The following NAALADL2 variants were observed in gnomAD, a reference collection of about 807,000 sequenced individuals.
NAALADL2 encodes the protein inactive N-acetylated-alpha-linked acidic dipeptidase-like protein 2.
NAALADL2 carries 76 observed loss-of-function variants against 87.2 expected under a neutral mutation model. The ratio of observed to expected loss-of-function variants is 0.87; its 90% CI spans 0.72 to 1.05. The LOEUF (loss-of-function observed/expected upper bound fraction) is 1.05, where lower values mean the gene tolerates loss of function less well. Ranked by LOEUF, NAALADL2 falls within the 50% of genes least tolerant of loss-of-function variation. The pLI, the probability that NAALADL2 is intolerant of heterozygous loss-of-function variation, is 0.00. For missense variants in NAALADL2, 1,089 were observed against 945.8 expected, an observed-to-expected ratio of 1.15 and a Z score of -1.99; for synonymous variants, 354 against 331.0, an observed-to-expected ratio of 1.07 and a Z score of -0.75.
At chr3:174,605,592 A>G (rs1246260339) in intron 2 of NAALADL2, among the ~76,000 whole-genome samples, 2 of 152,166 alleles carry the variant, frequency 1.3e-5, no homozygotes, top group East Asian at 1.9e-4. Context: ...TCAAACTGCA[A>G]GGTGGCAGTG....
chr3:175,509,605 A>G (rs1730847182), intron 9 of NAALADL2, among the ~76,000 whole-genome samples: 1 of 152,190 alleles, frequency 6.6e-6, no homozygotes, highest in Admixed American at 6.5e-5. Flanking sequence ...CTGCTATAGC[A>G]TTGGCTCTTT....
chr3:174,810,000 G>A (rs187926300), intron 3 of NAALADL2, among the ~76,000 whole-genome samples: 2 of 152,250 alleles, frequency 1.3e-5, no homozygotes, highest in Admixed American at 1.3e-4. Context: ...GCCTGCTCCT[G>A]CTTTGCCTTC....
intron 5 of NAALADL2, among the ~76,000 whole-genome samples, chr3:175,432,609 T>C (rs544006938): frequency 6.6e-6 from 1 of 152,196 alleles, no homozygotes; most frequent in Non-Finnish European, 1.5e-5. Context: ...TCATGTTGAT[T>C]CTTTTGCCTG....
chr3:175,620,258 C>T (rs1477940766), intron 10 of NAALADL2, among the ~76,000 whole-genome samples: 1 of 152,170 alleles, frequency 6.6e-6, no homozygotes, highest in African/African-American at 2.4e-5. Context: ...TTCGCCCACT[C>T]GACCTGGCAG....
chr3:175,772,206 G>A (rs1014855096), intron 13 of NAALADL2, among the ~76,000 whole-genome samples: 2 of 152,146 alleles, frequency 1.3e-5, no homozygotes, highest in Non-Finnish European at 2.9e-5. Context: ...CAGGGAATAT[G>A]AGTGTAGATT....
intron 4 of NAALADL2, among the ~76,000 whole-genome samples, chr3:175,299,327 G>C (rs1756750671): frequency 6.6e-6 from 1 of 152,034 alleles, no homozygotes; most frequent in South Asian, 2.1e-4. Flanking sequence ...ATTCTGTGAA[G>C]AAAGTCAGTG....
intron 2 of NAALADL2, among the ~76,000 whole-genome samples, chr3:175,233,717 C>T (rs1745359509): frequency 6.6e-6 from 1 of 152,156 alleles, no homozygotes; most frequent in Non-Finnish European, 1.5e-5. Flanking sequence ...GGATCACAGG[C>T]ATGAGCTACC....
chr3:175,697,434 A>C (rs888397213), intron 11 of NAALADL2, among the ~76,000 whole-genome samples: 3 of 119,594 alleles, frequency 2.5e-5, no homozygotes, highest in African/African-American at 7.1e-5. Flanking sequence ...CACACACACA[A>C]AACCCTACTT....
intron 1 of NAALADL2, among the ~76,000 whole-genome samples, chr3:175,057,106 G>A (rs1341773565): frequency 6.6e-6 from 1 of 152,174 alleles, no homozygotes; most frequent in Non-Finnish European, 1.5e-5. Flanking sequence ...AAGGTCACAG[G>A]AGACTGTTTC....
At chr3:174,932,716 T>C (rs544573642) in intron 1 of NAALADL2, among the ~76,000 whole-genome samples, 1 of 152,304 alleles carries the variant, frequency 6.6e-6, no homozygotes, top group South Asian at 2.1e-4. Flanking sequence ...TGTATAAACT[T>C]TAACACTGCT....
At chr3:175,578,643 AT>A (rs572582432) in intron 10 of NAALADL2, among the ~76,000 whole-genome samples, 16 of 152,338 alleles carry the variant, frequency 1.1e-4, no homozygotes, top group African/African-American at 2.9e-4. Context: ...GGTCGTAAAG[AT>A]TAATAAATGG....
intron 11 of NAALADL2, among the ~76,000 whole-genome samples, chr3:175,730,720 A>G (rs1442280787): frequency 6.6e-6 from 1 of 151,706 alleles, no homozygotes; most frequent in African/African-American, 2.4e-5. Context: ...TGATCCTTTT[A>G]TATTTTTAAA....
intron 4 of NAALADL2, among the ~76,000 whole-genome samples, chr3:175,264,863 A>G (rs1050369767): frequency 1.3e-5 from 2 of 151,652 alleles, no homozygotes; most frequent in Non-Finnish European, 3.0e-5. Flanking sequence ...TTTTATTCTA[A>G]TACACATTTT....
intron 2 of NAALADL2, among the ~76,000 whole-genome samples, chr3:175,178,621 A>G (rs1353826500): frequency 6.6e-6 from 1 of 152,022 alleles, no homozygotes; most frequent in Non-Finnish European, 1.5e-5. Context: ...ATACATCTGA[A>G]TGATCTAGAG....
intron 2 of NAALADL2, among the ~76,000 whole-genome samples, chr3:175,109,858 G>C (rs1048218563): frequency 6.6e-6 from 1 of 151,838 alleles, no homozygotes; most frequent in African/African-American, 2.4e-5. Context: ...TAAAGAGCAG[G>C]TCAGCAGAAA....
At chr3:175,737,254 A>G in intron 11 of NAALADL2, 52 bp from the exon 12 acceptor site, 1 of 1,052,256 alleles carries the variant, frequency 9.5e-7, no homozygotes, top group Non-Finnish European at 1.5e-6. Flanking sequence ...CAAACAAATG[A>G]AAACTCCTAA....
intron 2 of NAALADL2, among the ~76,000 whole-genome samples, chr3:174,610,643 A>C (rs1387450043): frequency 6.6e-6 from 1 of 152,044 alleles, no homozygotes; most frequent in African/African-American, 2.4e-5. Flanking sequence ...TTAGAATGGC[A>C]ATCATTAAAA....
intron 11 of NAALADL2, among the ~76,000 whole-genome samples, chr3:175,685,265 C>T (rs1451442125): frequency 1.3e-5 from 2 of 152,156 alleles, no homozygotes; most frequent in Admixed American, 1.3e-4. Flanking sequence ...ATCAGCTTTC[C>T]TCTGACTCCT....
chr3:175,306,371 A>G (rs1212696346), intron 4 of NAALADL2, among the ~76,000 whole-genome samples: 1 of 152,188 alleles, frequency 6.6e-6, no homozygotes, highest in Non-Finnish European at 1.5e-5. Context: ...ATGTACTTAG[A>G]TAAAACTACT....
Sources: allele counts gnomAD v4.1 joint callset (sites outside exome capture counted in the v4.1 genomes callset), GRCh38; gene constraint gnomAD v4.1.1; transcripts MANE v1.5; gene names NCBI Gene and HGNC (gene_info 2026-07-23, HGNC 2026-07-21).